CTNND2: variants seen among roughly 807,000 people sequenced by gnomAD.
CTNND2 encodes the protein catenin delta 2, also known as catenin delta-2.
A neutral mutation model predicts 144.4 loss-of-function variants in CTNND2; 22 were observed. That is an observed-to-expected ratio of 0.15 (90% CI 0.11 to 0.22). The LOEUF (loss-of-function observed/expected upper bound fraction) is 0.22. Ranked by LOEUF, CTNND2 falls within the 10% of genes least tolerant of loss-of-function variation. CTNND2 has a pLI of 1.00. For missense variants in CTNND2, 1,353 were observed against 1,618.8 expected (o/e 0.84, Z 2.82); for synonymous variants, 751 against 695.6 (o/e 1.08, Z -1.25).
chr5:11,037,243 T>G (rs1744180405), intron 16 of CTNND2, among the ~76,000 whole-genome samples: 1 of 152,206 alleles, frequency 6.6e-6, no homozygotes, highest in African/African-American at 2.4e-5. Flanking sequence ...TGGATATTAG[T>G]GGTTATAATG....
chr5:11,317,570 A>C (rs984487534), intron 9 of CTNND2, among the ~76,000 whole-genome samples: 3 of 152,188 alleles, frequency 2.0e-5, no homozygotes, highest in Admixed American at 2.0e-4. Flanking sequence ...TTCTTGTGTT[A>C]ATTATAAGTA....
intron 2 of CTNND2, among the ~76,000 whole-genome samples, chr5:11,724,546 A>G (rs937349168): frequency 4.6e-5 from 7 of 152,072 alleles, no homozygotes; most frequent in African/African-American, 1.7e-4. Flanking sequence ...ATTTCGGTGG[A>G]GGGTTTCTCC....
chr5:11,045,172 C>T (rs1004249100), intron 16 of CTNND2, among the ~76,000 whole-genome samples: 2 of 152,206 alleles, frequency 1.3e-5, no homozygotes, highest in Non-Finnish European at 2.9e-5. Context: ...TCCATTTGTA[C>T]TGCTATAAAA....
At chr5:11,688,912 C>T (rs1337006746) in intron 2 of CTNND2, among the ~76,000 whole-genome samples, 2 of 152,158 alleles carry the variant, frequency 1.3e-5, no homozygotes, top group Non-Finnish European at 2.9e-5. Context: ...TCTGCATTCA[C>T]TGATCACAGA....
intron 11 of CTNND2, among the ~76,000 whole-genome samples, chr5:11,189,716 A>G (rs888424512): frequency 3.9e-5 from 6 of 152,198 alleles, no homozygotes; most frequent in African/African-American, 1.4e-4. Flanking sequence ...GCAAATTTTC[A>G]GCTCTAGGGG....
chr5:11,766,333 C>G (rs1789586510), intron 1 of CTNND2, among the ~76,000 whole-genome samples: 1 of 152,132 alleles, frequency 6.6e-6, no homozygotes, highest in African/African-American at 2.4e-5. Flanking sequence ...TGTCCCCACC[C>G]AAATCTCATC....
At chr5:10,992,193 C>T (rs950464589) in intron 19 of CTNND2, among the ~76,000 whole-genome samples, 4 of 152,250 alleles carry the variant, frequency 2.6e-5, no homozygotes, top group Non-Finnish European at 4.4e-5. Context: ...GCTGGGATTA[C>T]AGGCATGAGC....
intron 3 of CTNND2, among the ~76,000 whole-genome samples, chr5:11,448,780 C>T (rs1467069263): frequency 6.6e-6 from 1 of 152,056 alleles, no homozygotes; most frequent in Non-Finnish European, 1.5e-5. Context: ...GTGATCCTTC[C>T]ACCTCAGCCT....
chr5:11,221,453 T>C (rs1739783206), intron 10 of CTNND2, among the ~76,000 whole-genome samples: 1 of 152,134 alleles, frequency 6.6e-6, no homozygotes, highest in Non-Finnish European at 1.5e-5. Flanking sequence ...ACAATAAACT[T>C]GGAAGATAAG....
At chr5:11,219,439 T>A (rs931993464) in intron 10 of CTNND2, among the ~76,000 whole-genome samples, 1 of 152,194 alleles carries the variant, frequency 6.6e-6, no homozygotes, top group Admixed American at 6.5e-5. Flanking sequence ...TCCAAGGTAT[T>A]TAGGTTTTAC....
intron 9 of CTNND2, among the ~76,000 whole-genome samples, chr5:11,330,001 GAATGAGCT>G (rs1752921061): frequency 6.6e-6 from 1 of 152,120 alleles, no homozygotes; most frequent in African/African-American, 2.4e-5. Context: ...TTACTGCAGT[GAATGAGCT>G]AATGTAGCAT....
chr5:11,290,621 A>T (rs911982671), intron 9 of CTNND2, among the ~76,000 whole-genome samples: 1 of 152,194 alleles, frequency 6.6e-6, no homozygotes, highest in African/African-American at 2.4e-5. Context: ...CTTCAGAGAG[A>T]GCTTTTAAAA....
intron 11 of CTNND2, among the ~76,000 whole-genome samples, chr5:11,171,239 A>G (rs962715242): frequency 6.6e-6 from 1 of 152,224 alleles, no homozygotes; most frequent in African/African-American, 2.4e-5. Context: ...TGATCTGTGA[A>G]GGAAACCAAA....
intron 6 of CTNND2, among the ~76,000 whole-genome samples, chr5:11,391,309 T>C (rs936012339): frequency 6.6e-6 from 1 of 152,010 alleles, no homozygotes; most frequent in African/African-American, 2.4e-5. Flanking sequence ...TGTTGCACTT[T>C]CCTAGTTTAA....
chr5:11,417,515 G>A (rs1561361542), intron 3 of CTNND2, among the ~76,000 whole-genome samples: 1 of 152,050 alleles, frequency 6.6e-6, no homozygotes, highest in Non-Finnish European at 1.5e-5. Context: ...GACATGCATA[G>A]CTGGTGCACA....
At chr5:11,102,749 G>C (rs1004433851) in intron 14 of CTNND2, among the ~76,000 whole-genome samples, 2 of 152,072 alleles carry the variant, frequency 1.3e-5, no homozygotes, top group Non-Finnish European at 2.9e-5. Flanking sequence ...AAGGTTAAGG[G>C]ACTGCTGAAA....
intron 16 of CTNND2, among the ~76,000 whole-genome samples, chr5:11,043,978 G>A (rs1744955827): frequency 6.6e-6 from 1 of 152,172 alleles, no homozygotes; most frequent in Non-Finnish European, 1.5e-5. Flanking sequence ...TCCCTCACTA[G>A]GGAGCCCAGG....
chr5:11,267,175 G>A (rs774206695), intron 9 of CTNND2, among the ~76,000 whole-genome samples: 18 of 152,140 alleles, frequency 1.2e-4, no homozygotes, highest in Admixed American at 2.6e-4. Flanking sequence ...CACCGTGCCC[G>A]ACCTGAAGCT....
At position 11,236,727 on chromosome 5, in the gene CTNND2, T is replaced by C. The variant is rs1580669645; in HGVS notation, c.1725A>G (p.Gln575=). ...TTTTGTTGTCTCCAAAACAGAGGTG[T>C]TGCAAGTAGGCTGCCGCGTTAGACT... ...SVQSNAAAYL[Q]HLCFGDNKIK... The change falls in exon 10 of 22, where the codon CAA becomes CAG. Residue 575 remains glutamine (Q), a synonymous_variant. Coordinates refer to ENST00000304623, the MANE Select transcript of CTNND2 (RefSeq NM_001332.4). 2.5e-6 allele frequency: 4 copies of C among 1,614,154 alleles called. No individual in the cohort carries two copies. The highest frequency in any genetic ancestry group is 3.4e-6 in the Non-Finnish European group (4 of 1,180,012).
Sources: allele counts gnomAD v4.1 joint callset (sites outside exome capture counted in the v4.1 genomes callset), GRCh38; gene constraint gnomAD v4.1.1; transcripts MANE v1.5; gene names NCBI Gene and HGNC (gene_info 2026-07-23, HGNC 2026-07-21).